Variants in KCNQ5 observed in about 807,000 individuals in gnomAD.
The protein encoded by KCNQ5 is potassium voltage-gated channel subfamily KQT member 5.
In KCNQ5, 30 loss-of-function variants were observed where a neutral mutation model predicts 98.2. The observed-to-expected ratio is 0.31, with a 90% CI of 0.23 to 0.41. The LOEUF (loss-of-function observed/expected upper bound fraction) is 0.41, where lower values mean the gene tolerates loss of function less well. Ranked by LOEUF, KCNQ5 falls within the 10% of genes least tolerant of loss-of-function variation. The probability of loss-of-function intolerance (pLI) is 1.00; values close to 1 mark genes in which losing one functional copy is unlikely to be tolerated. For missense variants in KCNQ5, 835 were observed against 1,182.5 expected (o/e 0.71, Z 4.31); for synonymous variants, 458 against 449.4 (o/e 1.02, Z -0.24).
At chr6:73,147,032 A>C (rs1776952971) in intron 10 of KCNQ5, among the ~76,000 whole-genome samples, 1 of 152,206 alleles carries the variant, frequency 6.6e-6, no homozygotes, top group Non-Finnish European at 1.5e-5. Context: ...AAATTGAATT[A>C]ATCCGACACA....
At chr6:72,666,810 G>A (rs937396216) in intron 1 of KCNQ5, among the ~76,000 whole-genome samples, 1 of 152,100 alleles carries the variant, frequency 6.6e-6, no homozygotes, top group African/African-American at 2.4e-5. Flanking sequence ...GTAAAGTCCA[G>A]TAAGAAACTT....
rs577003199 is a variant in KCNQ5, at chr6:72,714,694, G to C, written c.398+92107G>C. Reference sequence around the variant, plus strand: ...GACCATCTGACCAGTTTAATTGTCAGCTGATACATGTCAGAACTCCTTCAT... The same window carrying C: ...GACCATCTGACCAGTTTAATTGTCACCTGATACATGTCAGAACTCCTTCAT... On this transcript the variant is annotated intron_variant, in intron 1 of 13. Transcript: ENST00000370398. Among the ~76,000 whole-genome samples, 133 of 152,298 alleles carry C rather than the reference G, an allele frequency of 8.7e-4. 3 individuals are homozygous for C. The South Asian group carries it at 0.026, about 30-fold the overall frequency.
intron 1 of KCNQ5, among the ~76,000 whole-genome samples, chr6:72,894,475 C>T (rs1324739052): frequency 6.6e-6 from 1 of 152,108 alleles, no homozygotes; most frequent in Non-Finnish European, 1.5e-5. Context: ...GCAAATTTTT[C>T]CAAGAGGTTA....
chr6:72,923,087 C>T (rs186476284), intron 1 of KCNQ5, among the ~76,000 whole-genome samples: 36 of 152,270 alleles, frequency 2.4e-4, no homozygotes, highest in Admixed American at 3.9e-4. Context: ...GCTGGGATTA[C>T]AGATGTGAGC....
intron 1 of KCNQ5, among the ~76,000 whole-genome samples, chr6:72,677,564 A>G (rs1767476157): frequency 6.6e-6 from 1 of 152,212 alleles, no homozygotes; most frequent in Non-Finnish European, 1.5e-5. Context: ...ACTAAATCTT[A>G]TCTTGTAATT....
chr6:72,784,038 T>C (rs1414472924), intron 1 of KCNQ5, among the ~76,000 whole-genome samples: 1 of 152,138 alleles, frequency 6.6e-6, no homozygotes, highest in Non-Finnish European at 1.5e-5. Context: ...ACATTCACAT[T>C]CCAACATGAG....
intron 1 of KCNQ5, among the ~76,000 whole-genome samples, chr6:72,841,685 C>CTA (rs1776800267): frequency 6.6e-6 from 1 of 151,906 alleles, no homozygotes; most frequent in East Asian, 1.9e-4. Context: ...TTATATATTC[C>CTA]TATATATATT....
chr6:73,169,820 A>T lies in KCNQ5; in HGVS notation c.1543A>T (p.Thr515Ser). 6.2e-7 allele frequency: 1 copy of T among 1,613,364 alleles called. No individual in the cohort carries two copies. The change falls in exon 11 of 14, where the codon ACC becomes TCC. Residue 515 changes from threonine (T) to serine (S), a missense_variant. This residue lies in a region of KCNQ5 where 146 missense variants were observed against 256.7 expected (regional missense o/e 0.57). Transcript: ENST00000370398. ...GTGTGATGTATCAGTGGAAGACCTC[A>T]CCCCACCACTTAAAACTGTCATTCG... is the stretch of plus-strand genomic sequence containing the variant. ...CQCDVSVEDL[T>S]PPLKTVIRAI...
intron 1 of KCNQ5, among the ~76,000 whole-genome samples, chr6:72,926,954 T>C (rs796427919): frequency 3.9e-5 from 6 of 152,272 alleles, no homozygotes; most frequent in African/African-American, 1.4e-4. Context: ...AGAACAATGA[T>C]GTGCTCCAAC....
intron 1 of KCNQ5, among the ~76,000 whole-genome samples, chr6:72,768,537 C>A (rs1345532765): frequency 6.6e-6 from 1 of 151,900 alleles, no homozygotes; most frequent in African/African-American, 2.4e-5. Flanking sequence ...ATTGATGGTA[C>A]AAATGGGAGA....
At chr6:72,757,628 A>G (rs750323862) in intron 1 of KCNQ5, among the ~76,000 whole-genome samples, 25 of 152,138 alleles carry the variant, frequency 1.6e-4, no homozygotes, top group Non-Finnish European at 2.5e-4. Context: ...CCGTATGGGT[A>G]CTTGAAGTAT....
intron 5 of KCNQ5, among the ~76,000 whole-genome samples, chr6:73,099,676 A>G (rs1774678428): frequency 6.6e-6 from 1 of 152,244 alleles, no homozygotes. Flanking sequence ...ACCCAGATAT[A>G]TAAAGCAAAT....
chr6:72,927,614 C>T (rs1294510629), intron 1 of KCNQ5, among the ~76,000 whole-genome samples: 2 of 151,946 alleles, frequency 1.3e-5, no homozygotes, highest in Non-Finnish European at 2.9e-5. Flanking sequence ...AATCTAACTT[C>T]CTACTGTTGG....
chr6:72,982,692 A>G (rs1451787213), intron 1 of KCNQ5, among the ~76,000 whole-genome samples: 2 of 151,934 alleles, frequency 1.3e-5, no homozygotes, highest in Non-Finnish European at 2.9e-5. Context: ...TAATATTGTT[A>G]TGTGTGAATT....
chr6:73,136,922 G>A (rs1319286719), intron 10 of KCNQ5, among the ~76,000 whole-genome samples: 1 of 151,902 alleles, frequency 6.6e-6, no homozygotes, highest in Non-Finnish European at 1.5e-5. Flanking sequence ...TCACTTCTGG[G>A]GCTGTTTTCT....
At chr6:72,738,785 A>G (rs1304145485) in intron 1 of KCNQ5, among the ~76,000 whole-genome samples, 2 of 152,178 alleles carry the variant, frequency 1.3e-5, no homozygotes, top group African/African-American at 4.8e-5. Context: ...TTACTAAGTG[A>G]AAGAAGCCAA....
At chr6:73,162,036 C>T (rs1777633057) in intron 10 of KCNQ5, among the ~76,000 whole-genome samples, 1 of 152,056 alleles carries the variant, frequency 6.6e-6, no homozygotes, top group African/African-American at 2.4e-5. Context: ...CCTGCCTCAG[C>T]CTCCCAAGTA....
chr6:73,076,160 ATCT>A (rs1773531744), intron 3 of KCNQ5, among the ~76,000 whole-genome samples: 1 of 152,218 alleles, frequency 6.6e-6, no homozygotes, highest in East Asian at 1.9e-4. Flanking sequence ...GGCTCAGAAG[ATCT>A]TCTCAGTCCA....
At chr6:72,700,288 T>C (rs1341942843) in intron 1 of KCNQ5, among the ~76,000 whole-genome samples, 2 of 136,448 alleles carry the variant, frequency 1.5e-5, no homozygotes, top group Non-Finnish European at 3.2e-5. Flanking sequence ...AATCTATATA[T>C]CTATATCTAT....
Sources: gnomAD v4.1 joint callset for allele counts (sites outside exome capture counted in the v4.1 genomes callset) on GRCh38, gnomAD v4.1.1 for gene constraint, gnomAD v4.1.1 regional missense constraint, MANE v1.5 for transcripts, NCBI Gene and HGNC (gene_info 2026-07-23, HGNC 2026-07-21) for gene names.